Variants in ZFYVE26 observed in about 807,000 individuals in gnomAD.
The protein encoded by ZFYVE26 is zinc finger FYVE domain-containing protein 26.
In ZFYVE26, 181 loss-of-function variants were observed where a neutral mutation model predicts 276.5. The observed-to-expected ratio is 0.65, with a 90% CI of 0.58 to 0.74. The LOEUF (loss-of-function observed/expected upper bound fraction) is 0.74, where lower values mean the gene tolerates loss of function less well. Among genes scored for constraint, ZFYVE26 ranks in the 30% least tolerant of loss-of-function variants. The pLI, the probability that ZFYVE26 is intolerant of heterozygous loss-of-function variation, is 0.00. For missense variants in ZFYVE26, 2,821 were observed against 3,097.9 expected, an observed-to-expected ratio of 0.91 and a Z score of 2.12; for synonymous variants, 1,129 against 1,203.1, an observed-to-expected ratio of 0.94 and a Z score of 1.27.
chr14:67,787,992 C>G (rs1035008827), intron 16 of ZFYVE26, among the ~76,000 whole-genome samples: 7 of 152,068 alleles, frequency 4.6e-5, no homozygotes, highest in Admixed American at 3.9e-4. Context: ...GCCCTAAACT[C>G]TTTGTACAAT....
In ZFYVE26 at chr14:67,809,278, T is replaced by C. The variant is rs1398992728; in HGVS notation, c.285A>G (p.Pro95=). 6.2e-7 allele frequency: 1 copy of C among 1,613,374 alleles called. No individual in the cohort carries two copies. The highest frequency in any genetic ancestry group is 8.5e-7 in the Non-Finnish European group (1 of 1,179,378). The stretch of plus-strand genomic sequence containing the variant: ...ACTCAAGCTTTCTCCGGAAAACAAC[T>C]GGGAGTAACTTCTAGAAGAATCAAA... ...KWLAREKKLL[P]VVFRRKLEFL... is the part of the protein sequence containing the mutation. Residue 95 remains proline (P), a synonymous_variant, in exon 4 of 42, where the codon CCA becomes CCG. Coordinates refer to ENST00000347230, the MANE Select transcript of ZFYVE26 (RefSeq NM_015346.4).
At position 67,802,265 on chromosome 14, in the gene ZFYVE26, C is replaced by G. The variant is rs532999230; in HGVS notation, c.1453G>C (p.Val485Leu). The G allele has an allele frequency of 6.2e-7, 1 of 1,614,198 alleles. No individual in the cohort carries two copies. The highest frequency in any genetic ancestry group is 2.2e-5 in the East Asian group (1 of 44,888). ...QQEPDAVDAP[V>L]PEHLSQCQNL... is the part of the protein sequence containing the mutation. ...TGACACTGGCTCAGGTGCTCAGGGACTGGAGCATCAACTGCATCTGAATTA... is the reference window on the plus strand; with the variant it reads ...TGACACTGGCTCAGGTGCTCAGGGAGTGGAGCATCAACTGCATCTGAATTA... Residue 485 changes from valine (V) to leucine (L), a missense_variant, in exon 10 of 42, where the codon GTC becomes CTC. Transcript: ENST00000347230.
chr14:67,788,737 T>C (rs1225764017), intron 16 of ZFYVE26, among the ~76,000 whole-genome samples: 1 of 152,190 alleles, frequency 6.6e-6, no homozygotes, highest in Non-Finnish European at 1.5e-5. Context: ...TATCATAACC[T>C]ATTCACCACT....
chr14:67,732,618 C>T (rs1291035003), intron 13 of ZFYVE26, among the ~76,000 whole-genome samples: 1 of 151,850 alleles, frequency 6.6e-6, no homozygotes, highest in Non-Finnish European at 1.5e-5. Context: ...GTCTTGTCGC[C>T]CAGGCTGGAT....
intron 28 of ZFYVE26, 128 bp from the exon 29 acceptor site, chr14:67,769,858 T>G: frequency 7.6e-6 from 10 of 1,321,728 alleles, no homozygotes; most frequent in South Asian, 1.2e-5. Context: ...CTTGGGTCTC[T>G]ATTGGAAAAG....
rs746459972 is a variant in ZFYVE26 at position 67,747,119 on chromosome 14, T to C, written c.*1317A>G. 1.3e-5 allele frequency: 2 copies of C among 152,612 alleles called. No homozygotes were observed. The highest frequency in any genetic ancestry group is 2.9e-5 in the Non-Finnish European group (2 of 68,040). The allele number at this position is 152,612 out of a possible 1,614,324, so 9.5% of individuals were successfully genotyped here. On this transcript the variant is annotated 3_prime_UTR_variant, in exon 42 of 42. Coordinates refer to ENST00000347230, the MANE Select transcript of ZFYVE26 (RefSeq NM_015346.4). ...GGCTGAGCTCTGGCCAGTGAGAGGT[T>C]CAGAGCTGCAGAGCTTTCTTTAGGC...
intron 25 of ZFYVE26, among the ~76,000 whole-genome samples, chr14:67,776,840 A>G (rs1393668097): frequency 6.6e-6 from 1 of 152,216 alleles, no homozygotes; most frequent in East Asian, 1.9e-4. Flanking sequence ...TAAGTGGGCC[A>G]GTGGTTATAT....
intron 10 of ZFYVE26, chr14:67,799,466 G>A (rs1042930778): frequency 6.2e-7 from 1 of 1,611,516 alleles, no homozygotes; most frequent in Non-Finnish European, 8.5e-7. Context: ...TGAAGGCGTG[G>A]ATAGCCTGAA....
At chr14:67,777,801 G>C in intron 24 of ZFYVE26, 66 bp from the exon 25 acceptor site, 1 of 1,583,318 alleles carries the variant, frequency 6.3e-7, no homozygotes, top group Non-Finnish European at 8.7e-7. Flanking sequence ...GCTTTGTTTT[G>C]TTTGAGAATA....
At chr14:67,801,156 CAGG>C (rs1211764874) in intron 10 of ZFYVE26, among the ~76,000 whole-genome samples, 1 of 151,810 alleles carries the variant, frequency 6.6e-6, no homozygotes, top group African/African-American at 2.4e-5. Context: ...GTGGCTGAGG[CAGG>C]AGAATTGCTT....
At chr14:67,767,237 G>A (rs1044780821) in intron 31 of ZFYVE26, among the ~76,000 whole-genome samples, 1 of 152,142 alleles carries the variant, frequency 6.6e-6, no homozygotes, top group African/African-American at 2.4e-5. Flanking sequence ...ACTGCAGAAT[G>A]TAAGGCCCTA....
At chr14:67,759,639 AGT>A (rs2038883538) in intron 35 of ZFYVE26, among the ~76,000 whole-genome samples, 2 of 150,934 alleles carry the variant, frequency 1.3e-5, no homozygotes. Flanking sequence ...AAAAAAAAAA[AGT>A]GCATGGTATA....
At position 67,790,743 on chromosome 14, in the gene ZFYVE26, G is replaced by A. The variant is rs748628696; in HGVS notation, c.2584C>T (p.Pro862Ser). Residue 862 changes from proline to serine, a missense_variant, in exon 15 of 42, where the codon CCC becomes TCC. By Grantham distance (74) the Pro-to-Ser change is moderately conservative (BLOSUM62 -1). Coordinates refer to ENST00000347230, the MANE Select transcript of ZFYVE26 (RefSeq NM_015346.4). ...ATGAACATCAGTTCCCCTGAACTGG[G>A]TGAGGACTTCAGGTTGAACGTGAAC... ...VLFTFNLKSS[P>S]SSGELMFMER... The A allele has an allele frequency of 3.1e-6, 5 of 1,614,052 alleles. No homozygotes were observed. The Admixed American group carries it at 6.7e-5, about 22-fold the overall frequency.
At chr14:67,734,999 G>C (rs2140164839) in intron 13 of ZFYVE26, among the ~76,000 whole-genome samples, 1 of 152,280 alleles carries the variant, frequency 6.6e-6, no homozygotes, top group South Asian at 2.1e-4. Context: ...TCTGGCTAGA[G>C]AAAATATTTT....
At chr14:67,730,927 C>G (rs879462183) in intron 13 of ZFYVE26, among the ~76,000 whole-genome samples, 1 of 151,962 alleles carries the variant, frequency 6.6e-6, no homozygotes, top group Admixed American at 6.6e-5. Context: ...ATAAGGGATG[C>G]TCAACCTATA....
At chr14:67,771,737 A>G (rs115982792) in intron 28 of ZFYVE26, among the ~76,000 whole-genome samples, 1 of 152,182 alleles carries the variant, frequency 6.6e-6, no homozygotes, top group Non-Finnish European at 1.5e-5. Context: ...CACCAGTCTT[A>G]CTGTCAAAGA....
intron 8 of ZFYVE26, among the ~76,000 whole-genome samples, 172 bp downstream of exon 8, chr14:67,805,045 A>G (rs1465024020): frequency 6.6e-6 from 1 of 152,248 alleles, no homozygotes; most frequent in Non-Finnish European, 1.5e-5. Context: ...GGTGAAGGTA[A>G]TAATTACTTG....
downstream of ZFYVE26, among the ~76,000 whole-genome samples, chr14:67,741,720 T>C (rs1052957474): frequency 2.6e-5 from 4 of 152,214 alleles, no homozygotes; most frequent in African/African-American, 9.7e-5. Flanking sequence ...GTGATAACTG[T>C]AATACACATG....
intron 35 of ZFYVE26, among the ~76,000 whole-genome samples, chr14:67,759,608 G>A (rs184258838): frequency 9.2e-6 from 1 of 108,110 alleles, no homozygotes; most frequent in East Asian, 2.7e-4. Context: ...TGGCAACAGA[G>A]CAAGACTCTG....
Sources: allele counts gnomAD v4.1 joint callset (sites outside exome capture counted in the v4.1 genomes callset), GRCh38; gene constraint gnomAD v4.1.1; transcripts MANE v1.5; gene names NCBI Gene and HGNC (gene_info 2026-07-23, HGNC 2026-07-21).